Variants in RBFOX1 observed in about 807,000 individuals in gnomAD.
RBFOX1 encodes the protein RNA binding protein fox-1 homolog 1.
In RBFOX1, 8 loss-of-function variants were observed where a neutral mutation model predicts 57.7. The ratio of observed to expected loss-of-function variants is 0.14; its 90% CI spans 0.08 to 0.25. The LOEUF (loss-of-function observed/expected upper bound fraction) is 0.25, where lower values mean the gene tolerates loss of function less well. Among genes scored for constraint, RBFOX1 ranks in the 10% least tolerant of loss-of-function variants. The pLI is 1.00. For synonymous variants in RBFOX1, 326 were observed against 222.4 expected (o/e 1.47, Z -4.15); for missense variants, 611 against 548.5 (o/e 1.11, Z -1.14).
chr16:7,048,873 A>C (rs775058566), intron 3 of RBFOX1, among the ~76,000 whole-genome samples: 1 of 152,162 alleles, frequency 6.6e-6, no homozygotes, highest in Non-Finnish European at 1.5e-5. Context: ...TTTTTGTTTT[A>C]ATAAGCAATC....
rs1345662627 is a variant in RBFOX1 at position 7,054,213 on chromosome 16, C to CGGCGGGGGGG, written c.27+2117_27+2118insCGGGGGGGGG. Among the ~76,000 whole-genome samples the CGGCGGGGGGG allele has an allele frequency of 2.5e-3, 45 of 17,830 alleles. 3 individuals carry two copies. The highest frequency in any genetic ancestry group is 0.02 in the African/African-American group (44 of 2,172). The allele number at this position is 17,830 out of a possible 152,430, so 11.7% of individuals were successfully genotyped here. Reference sequence around the variant, plus strand: ...CCCTTATTAAGGTGATTTTTTTTTTCGGGGGGGGGGGGCGGGGAGCTTTTT... The same window carrying CGGCGGGGGGG: ...CCCTTATTAAGGTGATTTTTTTTTTCGGCGGGGGGGGGGGGGGGGGGGCGGGGAGCTTTTT... On this transcript the variant is annotated intron_variant, in intron 4 of 15. Coordinates refer to ENST00000550418, the MANE Select transcript of RBFOX1 (RefSeq NM_018723.4).
rs2095031832 is a variant in RBFOX1, at chr16:6,019,837, C to T, written c.-282C>T. ...GCAGGCGCGCCAGGGCGGGGCTGACCTGCCCGCGAAGTTGCGGACAGTGCG... is the reference window on the plus strand; with the variant it reads ...GCAGGCGCGCCAGGGCGGGGCTGACTTGCCCGCGAAGTTGCGGACAGTGCG... On this transcript the variant is annotated 5_prime_UTR_variant, in exon 1 of 16. Coordinates refer to ENST00000550418, the MANE Select transcript of RBFOX1 (RefSeq NM_018723.4). This position sits in a 1 kb window ranked among gnomAD's most constrained non-coding sequence, Gnocchi z 4.2. 3 of 1,524,130 alleles carry T rather than the reference C, an allele frequency of 2.0e-6. No homozygotes were observed. Among genetic ancestry groups the T allele is most frequent in the Non-Finnish European group, 8.8e-7 (1 of 1,140,164 alleles). 94.4% of individuals were successfully genotyped at this position (1,524,130 alleles called of 1,614,324 possible).
At chr16:6,512,934 C>G (rs906128940) in intron 2 of RBFOX1, among the ~76,000 whole-genome samples, 1 of 152,150 alleles carries the variant, frequency 6.6e-6, no homozygotes, top group East Asian at 1.9e-4. Flanking sequence ...CTATCTTTTG[C>G]TGTTACACAT....
intron 3 of RBFOX1, among the ~76,000 whole-genome samples, chr16:5,620,913 T>C (rs1368865571): frequency 6.6e-6 from 1 of 151,798 alleles, no homozygotes; most frequent in African/African-American, 2.4e-5. Context: ...TGATCTCGGC[T>C]CACTGCAAGT....
At chr16:6,856,110 T>TCTTCCCTTTCCTTCC (rs2057846959) in intron 3 of RBFOX1, among the ~76,000 whole-genome samples, 1 of 151,514 alleles carries the variant, frequency 6.6e-6, no homozygotes, top group Non-Finnish European at 1.5e-5. Flanking sequence ...CCCTTCCCTT[T>TCTTCCCTTTCCTTCC]CTTCCCTTTC....
intron 4 of RBFOX1, among the ~76,000 whole-genome samples, chr16:7,248,806 A>C (rs1245964980): frequency 6.6e-6 from 1 of 152,214 alleles, no homozygotes; most frequent in Non-Finnish European, 1.5e-5. Flanking sequence ...TGCTATTTAT[A>C]ACAGTTGCCT....
intron 5 of RBFOX1, among the ~76,000 whole-genome samples, chr16:7,536,101 A>G (rs754114240): frequency 6.6e-6 from 1 of 152,222 alleles, no homozygotes; most frequent in Non-Finnish European, 1.5e-5. Flanking sequence ...TCCCATGGAA[A>G]TAAGAAAACA....
At chr16:7,567,832 CCCATATATATACCTATATATAT>C (rs1289375987) in intron 5 of RBFOX1, among the ~76,000 whole-genome samples, 66 of 146,558 alleles carry the variant, frequency 4.5e-4, no homozygotes, top group African/African-American at 1.4e-3. Context: ...TATATATATC[CCCATATATATACCTATATATAT>C]CCATATATAT....
chr16:6,466,029 G>A (rs2095041793), intron 2 of RBFOX1, among the ~76,000 whole-genome samples: 2 of 151,974 alleles, frequency 1.3e-5, no homozygotes, highest in African/African-American at 4.8e-5. Context: ...ACGAGTTTGA[G>A]ACCAGCCTGG....
chr16:6,868,790 T>C (rs573042902), intron 3 of RBFOX1, among the ~76,000 whole-genome samples: 8 of 152,082 alleles, frequency 5.3e-5, no homozygotes, highest in Non-Finnish European at 1.2e-4. Flanking sequence ...TAAAGATAGG[T>C]AATAAGGTTG....
intron 3 of RBFOX1, among the ~76,000 whole-genome samples, chr16:6,694,365 A>G (rs539883811): frequency 2.6e-5 from 4 of 152,340 alleles, no homozygotes; most frequent in African/African-American, 9.6e-5. Flanking sequence ...TATGTAGATT[A>G]TATCCACAGT....
chr16:5,402,873 G>A (rs1055396146), intron 1 of RBFOX1, among the ~76,000 whole-genome samples: 3 of 152,070 alleles, frequency 2.0e-5, no homozygotes, highest in East Asian at 1.9e-4. Context: ...AGTGCCAGCC[G>A]CATACTAGTA....
chr16:7,332,147 G>A (rs1468422133), intron 4 of RBFOX1, among the ~76,000 whole-genome samples: 2 of 152,164 alleles, frequency 1.3e-5, no homozygotes, highest in Non-Finnish European at 2.9e-5. Flanking sequence ...GTTAGGAATC[G>A]GGCTCTGGAA....
At chr16:7,368,083 G>T (rs191537729) in intron 4 of RBFOX1, among the ~76,000 whole-genome samples, 1 of 151,964 alleles carries the variant, frequency 6.6e-6, no homozygotes, top group East Asian at 1.9e-4. Context: ...CCTGGCCAAC[G>T]TAATGAAACC....
At chr16:6,522,590 T>TGTAAA (rs1362148686) in intron 2 of RBFOX1, among the ~76,000 whole-genome samples, 1 of 152,202 alleles carries the variant, frequency 6.6e-6, no homozygotes, top group Non-Finnish European at 1.5e-5. Context: ...GAGGGTGGCT[T>TGTAAA]GTAAAGTTAA....
intron 4 of RBFOX1, among the ~76,000 whole-genome samples, chr16:7,329,392 C>T (rs966438546): frequency 1.3e-5 from 2 of 152,162 alleles, no homozygotes; most frequent in African/African-American, 4.8e-5. Flanking sequence ...CCGACATTTG[C>T]CATGAACCAT....
chr16:6,677,919 A>G (rs1023864394), intron 3 of RBFOX1, among the ~76,000 whole-genome samples: 1 of 152,214 alleles, frequency 6.6e-6, no homozygotes, highest in African/African-American at 2.4e-5. Flanking sequence ...AAAGTGATTA[A>G]TCAGTAAGGA....
Position 7,262,658 on chromosome 16 carries a change from G to A in RBFOX1, c.27+210560G>A, listed in dbSNP as rs77029211. On this transcript the variant is annotated intron_variant, in intron 4 of 15. Coordinates refer to ENST00000550418, the MANE Select transcript of RBFOX1 (RefSeq NM_018723.4). ...TTGATAGCTGTCTCAAATACAATCT[G>A]CAATCTATCAAGGAGGGCGTGGAGG... 1.8e-3 allele frequency among the ~76,000 whole-genome samples: 277 copies of A among 152,348 alleles called. 4 individuals carry two copies. The highest frequency in any genetic ancestry group is 6.6e-3 in the African/African-American group (275 of 41,578).
intron 11 of RBFOX1, among the ~76,000 whole-genome samples, chr16:7,635,520 T>C (rs2061609003): frequency 6.6e-6 from 1 of 152,094 alleles, no homozygotes; most frequent in Admixed American, 6.6e-5. Context: ...AGTATCTTTC[T>C]ACATTTTCTC....
Sources: allele counts gnomAD v4.1 joint callset (sites outside exome capture counted in the v4.1 genomes callset), GRCh38; gene constraint gnomAD v4.1.1; non-coding constraint Gnocchi (gnomAD v3.1); transcripts MANE v1.5; gene names NCBI Gene and HGNC (gene_info 2026-07-23, HGNC 2026-07-21).